PTPRD: variants seen among roughly 807,000 people sequenced by gnomAD.
PTPRD encodes receptor-type tyrosine-protein phosphatase delta.
A neutral mutation model predicts 214.5 loss-of-function variants in PTPRD; 34 were observed. That is an observed-to-expected ratio of 0.16 (90% CI 0.12 to 0.21). PTPRD has a LOEUF of 0.21. Ranked by LOEUF, PTPRD falls within the 10% of genes least tolerant of loss-of-function variation. PTPRD has a pLI of 1.00. For missense variants in PTPRD, 2,545 were observed against 2,398.7 expected (o/e 1.06, Z -1.27); for synonymous variants, 1,128 against 845.7 (o/e 1.33, Z -5.79).
intron 14 of PTPRD, among the ~76,000 whole-genome samples, chr9:8,567,769 T>C (rs1279409553): frequency 3.9e-5 from 6 of 152,156 alleles, no homozygotes; most frequent in Non-Finnish European, 8.8e-5. Context: ...TAGATATTTT[T>C]AGTCTTATTT....
At chr9:8,653,150 C>G (rs1057235786) in intron 12 of PTPRD, among the ~76,000 whole-genome samples, 2 of 152,042 alleles carry the variant, frequency 1.3e-5, no homozygotes, top group African/African-American at 4.8e-5. Flanking sequence ...AAGTAGATCT[C>G]CTTTCAGGGC....
In PTPRD at chr9:10,262,421, T is replaced by A. The variant is rs1426466143; in HGVS notation, c.-545+78542A>T. Among the ~76,000 whole-genome samples the A allele has an allele frequency of 2.6e-5, 4 of 152,154 alleles. No individual in the cohort carries two copies. In the East Asian group the frequency reaches 7.7e-4, roughly 29 times the overall value. ...ATCGGTATGTGACAGGGGAGAAATA[T>A]GTTCAGAAGATTTGAGCCATTTGTT... On this transcript the variant is annotated intron_variant, in intron 3 of 45. Coordinates refer to ENST00000381196, the MANE Select transcript of PTPRD (RefSeq NM_002839.4).
In PTPRD at chr9:10,471,214, G is replaced by A. The variant is rs568219775; in HGVS notation, c.-599-130197C>T. Among the ~76,000 whole-genome samples, 280 of 152,066 alleles carry A rather than the reference G, an allele frequency of 1.8e-3. 1 individual carries two copies. The highest frequency in any genetic ancestry group is 6.4e-3 in the African/African-American group (267 of 41,494). On this transcript the variant is annotated intron_variant, in intron 2 of 45. Coordinates refer to ENST00000381196, the MANE Select transcript of PTPRD (RefSeq NM_002839.4). ...TAATATAGATGATGGGTTGATGGGG[G>A]CAGCAAACCACCATGGCATGTGTAT...
At chr9:10,600,245 T>C (rs550822839) in intron 2 of PTPRD, among the ~76,000 whole-genome samples, 1 of 151,868 alleles carries the variant, frequency 6.6e-6, no homozygotes, top group African/African-American at 2.4e-5. Flanking sequence ...AACTTGGTCA[T>C]ATGTTATATA....
chr9:10,003,884 G>C (rs142311439), intron 4 of PTPRD, among the ~76,000 whole-genome samples: 1 of 151,332 alleles, frequency 6.6e-6, no homozygotes, highest in Admixed American at 6.6e-5. Context: ...CGACATACCC[G>C]ATTTATTTGC....
At chr9:9,090,877 T>C in intron 10 of PTPRD, 1 of 988,410 alleles carries the variant, frequency 1.0e-6, no homozygotes, top group Non-Finnish European at 1.6e-6. Context: ...TAAATAGCTG[T>C]CTCCGGTCCG....
intron 7 of PTPRD, among the ~76,000 whole-genome samples, chr9:9,667,931 A>T (rs181668184): frequency 2.0e-5 from 3 of 152,288 alleles, no homozygotes; most frequent in Admixed American, 2.0e-4. Flanking sequence ...ACAATTACAG[A>T]TATTTCTAAA....
intron 43 of PTPRD, among the ~76,000 whole-genome samples, chr9:8,337,107 CA>C (rs1204183864): frequency 1.3e-5 from 2 of 152,082 alleles, no homozygotes; most frequent in African/African-American, 4.8e-5. Flanking sequence ...AGTGTATACC[CA>C]AAGGATTATA....
intron 4 of PTPRD, among the ~76,000 whole-genome samples, chr9:9,984,371 C>G (rs144713331): frequency 1.3e-5 from 2 of 152,294 alleles, no homozygotes; most frequent in African/African-American, 2.4e-5. Flanking sequence ...TGGAAAGAGA[C>G]TCCCTTCTCA....
At chr9:9,286,229 C>A (rs1364177120) in intron 9 of PTPRD, among the ~76,000 whole-genome samples, 1 of 151,818 alleles carries the variant, frequency 6.6e-6, no homozygotes, top group East Asian at 2.0e-4. Context: ...TCCATTGCTA[C>A]TGACTTACAT....
intron 2 of PTPRD, among the ~76,000 whole-genome samples, chr9:10,482,375 A>T: frequency 6.6e-6 from 1 of 151,248 alleles, no homozygotes; most frequent in Non-Finnish European, 1.5e-5. Flanking sequence ...CGTTTCAATA[A>T]ATAAATAAAT....
chr9:8,750,499 A>G (rs2093411169), intron 11 of PTPRD, among the ~76,000 whole-genome samples: 2 of 152,144 alleles, frequency 1.3e-5, no homozygotes, highest in Non-Finnish European at 2.9e-5. Context: ...GCTCGAAAGA[A>G]AATTCAGCAA....
chr9:8,707,847 C>T (rs1162777161), intron 12 of PTPRD, among the ~76,000 whole-genome samples: 1 of 152,184 alleles, frequency 6.6e-6, no homozygotes, highest in Non-Finnish European at 1.5e-5. Context: ...TGTCATCTCC[C>T]AGGTACCACA....
chr9:9,309,124 CAA>C (rs1192020357), intron 9 of PTPRD, among the ~76,000 whole-genome samples: 12 of 151,680 alleles, frequency 7.9e-5, no homozygotes, highest in African/African-American at 2.4e-4. Context: ...TTTCCTCCTT[CAA>C]AAAAGATATT....
intron 2 of PTPRD, among the ~76,000 whole-genome samples, chr9:10,544,570 C>T (rs2059810700): frequency 6.6e-6 from 1 of 152,130 alleles, no homozygotes; most frequent in Non-Finnish European, 1.5e-5. Flanking sequence ...AGAGAATTAT[C>T]ACCCATCATT....
At chr9:8,790,657 A>T (rs2096192801) in intron 11 of PTPRD, among the ~76,000 whole-genome samples, 1 of 152,190 alleles carries the variant, frequency 6.6e-6, no homozygotes. Context: ...ATATCTAAGC[A>T]TACCTTAGTC....
At chr9:10,080,739 C>T (rs561942002) in intron 3 of PTPRD, among the ~76,000 whole-genome samples, 1 of 152,034 alleles carries the variant, frequency 6.6e-6, no homozygotes, top group African/African-American at 2.4e-5. Context: ...ACTCCTACTC[C>T]TTAGCTAGGG....
At chr9:9,927,731 G>T (rs957707414) in intron 5 of PTPRD, among the ~76,000 whole-genome samples, 6 of 152,056 alleles carry the variant, frequency 3.9e-5, no homozygotes, top group Non-Finnish European at 7.4e-5. Flanking sequence ...GCAGTGCAAT[G>T]TTCATAGATT....
At chr9:10,053,254 A>T (rs1266233121) in intron 3 of PTPRD, among the ~76,000 whole-genome samples, 1 of 152,172 alleles carries the variant, frequency 6.6e-6, no homozygotes, top group Non-Finnish European at 1.5e-5. Flanking sequence ...AAGCTGTTTG[A>T]AGTTTAATAT....
Sources: gnomAD v4.1 joint callset for allele counts (sites outside exome capture counted in the v4.1 genomes callset) on GRCh38, gnomAD v4.1.1 for gene constraint, MANE v1.5 for transcripts, NCBI Gene and HGNC (gene_info 2026-07-23, HGNC 2026-07-21) for gene names.